METTL13: variants seen among roughly 807,000 people sequenced by gnomAD.
METTL13 encodes the protein eEF1A lysine and N-terminal methyltransferase.
In METTL13, 52 loss-of-function variants were observed where a neutral mutation model predicts 67.4. That is an observed-to-expected ratio of 0.77 (90% CI 0.62 to 0.97). METTL13 has a LOEUF of 0.97. Among genes scored for constraint, METTL13 ranks in the 50% least tolerant of loss-of-function variants. The pLI, the probability that METTL13 is intolerant of heterozygous loss-of-function variation, is 0.00. For synonymous variants in METTL13, 354 were observed against 353.6 expected (o/e 1.00, Z -0.01); for missense variants, 825 against 889.6 (o/e 0.93, Z 0.92).
chr1:171,783,798 A>G lies in METTL13; in HGVS notation c.212A>G (p.Tyr71Cys), dbSNP rs771013492. ...AGTGAGCAACTGTATGATGTGGGCT[A>G]TCGGGATATAGTGAACATCGACATC... ...ELSEQLYDVG[Y>C]RDIVNIDISE... The change falls in exon 2 of 8, where the codon TAT (tyrosine) becomes TGT (cysteine). Residue 71 changes from tyrosine (Y) to cysteine (C), a missense_variant. Physicochemically the swap from Tyr to Cys is radical, Grantham distance 194. Transcript: ENST00000361735. 4 of 1,614,026 alleles carry G rather than the reference A, an allele frequency of 2.5e-6. No homozygotes were observed. Among genetic ancestry groups the G allele is most frequent in the African/African-American group, 1.3e-5 (1 of 74,930 alleles).
In METTL13 at chr1:171,796,500, T is replaced by G. The variant is rs1256398158; in HGVS notation, c.1844T>G (p.Leu615Arg). ...CCTATAGGTGTTTTTATTCTCAACC[T>G]TGTGTGCCGAGACTTGGGGCTAAAA... The part of the protein sequence containing the change: ...LTPEGVFILN[L>R]VCRDLGLKDS... Residue 615 changes from leucine (L) to arginine (R), a missense_variant, in exon 8 of 8, where the codon CTT becomes CGT. By Grantham distance (102) the Leu-to-Arg change is moderately radical (BLOSUM62 -2). Coordinates refer to ENST00000361735, the MANE Select transcript of METTL13 (RefSeq NM_015935.5). 2.5e-6 allele frequency: 4 copies of G among 1,614,170 alleles called. No homozygotes were observed. Among genetic ancestry groups the G allele is most frequent in the Non-Finnish European group, 3.4e-6 (4 of 1,180,020 alleles).
Position 171,784,487 on chromosome 1 carries a change from G to C in METTL13, c.901G>C (p.Ala301Pro). 6.7e-7 allele frequency: 1 copy of C among 1,503,118 alleles called. No individual in the cohort carries two copies. Among genetic ancestry groups the C allele is most frequent in the South Asian group, 1.4e-5 (1 of 73,274 alleles). 93.1% of individuals were successfully genotyped at this position (1,503,118 alleles called of 1,614,324 possible). A position where few individuals can be genotyped will look rare whatever the true frequency, so the allele number is the denominator to read the frequency against. The change falls in exon 2 of 8, where the codon GCG becomes CCG. Residue 301 changes from alanine (A) to proline (P), a missense_variant. By Grantham distance (27) the Ala-to-Pro change is conservative. Transcript: ENST00000361735. ...TVKPSRDNHFAIFIIPQGRET... is the reference protein window; with the variant it reads ...TVKPSRDNHFPIFIIPQGRET... ...GAAACCATCGCGGGACAATCATTTT[G>C]CGATTTTCATCAGTGAGTTGGGATT... is the stretch of plus-strand genomic sequence containing the variant.
At chr1:171,788,042 C>A in intron 4 of METTL13, 112 bp downstream of exon 4, 2 of 985,390 alleles carry the variant, frequency 2.0e-6, no homozygotes, top group Non-Finnish European at 1.5e-6. Flanking sequence ...GGTTCTTAAC[C>A]ATCTGGACTC....
chr1:171,792,136 G>A lies in METTL13; in HGVS notation c.1594G>A (p.Val532Met), dbSNP rs1657229478. The A allele has an allele frequency of 6.2e-7, 1 of 1,613,986 alleles. No individual in the cohort carries two copies. ...GGAGATCGATCCCTCCATGTTGGAA[G>A]TGGCCACCCAGTGGTTTGGCTTCTC... ...AVEIDPSMLEVATQWFGFSQS... is the reference protein window; with the variant it reads ...AVEIDPSMLEMATQWFGFSQS... The change falls in exon 6 of 8, where the codon GTG becomes ATG. Residue 532 changes from valine to methionine, a missense_variant. Val to Met is a conservative substitution (Grantham distance 21). Transcript: ENST00000361735.
At chr1:171,789,626 T>G (rs900261723) in intron 4 of METTL13, among the ~76,000 whole-genome samples, 1 of 152,204 alleles carries the variant, frequency 6.6e-6, no homozygotes, top group African/African-American at 2.4e-5. Flanking sequence ...GTATAGTAAT[T>G]GGCACATAGC....
intron 4 of METTL13, among the ~76,000 whole-genome samples, chr1:171,789,607 A>G (rs1210426824): frequency 6.6e-6 from 1 of 152,226 alleles, no homozygotes; most frequent in African/African-American, 2.4e-5. Flanking sequence ...TAAAAAAATA[A>G]AAGTTACGGT....
chr1:171,790,528 GTCCA>G lies in METTL13; in HGVS notation c.1388_1391del (p.Ser463LeufsTer14), dbSNP rs766705873. ...AGGACCTCCCTGCAGCCCCGGGGCA[GTCCA>G]TTGATAAGAGTTACCTGTGTTGTGA... On this transcript the variant is annotated frameshift_variant, in exon 5 of 8. Transcript: ENST00000361735. LOFTEE classifies it high-confidence loss of function. 6.2e-7 allele frequency: 1 copy of G among 1,612,788 alleles called. No homozygotes were observed. Among genetic ancestry groups the G allele is most frequent in the African/African-American group, 1.3e-5 (1 of 74,968 alleles).
At chr1:171,786,575 A>G (rs1657022341) in intron 3 of METTL13, among the ~76,000 whole-genome samples, 1 of 152,228 alleles carries the variant, frequency 6.6e-6, no homozygotes, top group Non-Finnish European at 1.5e-5. Context: ...ATCAGTTAAC[A>G]CCAACTGTCT....
At chr1:171,788,122 G>A (rs994144889) in intron 4 of METTL13, among the ~76,000 whole-genome samples, 192 bp downstream of exon 4, 1 of 151,082 alleles carries the variant, frequency 6.6e-6, no homozygotes, top group Non-Finnish European at 1.5e-5. Context: ...AAGTGATAGG[G>A]GACGTGAGTA....
Position 171,784,479 on chromosome 1 carries a change from A to G in METTL13, c.893A>G (p.Asn298Ser), listed in dbSNP as rs750626931. The change falls in exon 2 of 8, where the codon AAT (asparagine) becomes AGT (serine). Residue 298 changes from asparagine (N) to serine (S), a missense_variant. Asn to Ser is a conservative substitution (Grantham distance 46). Transcript: ENST00000361735. Reference protein sequence around the residue: ...DSPTVKPSRDNHFAIFIIPQG... With the variant: ...DSPTVKPSRDSHFAIFIIPQG... ...CCCACTGTGAAACCATCGCGGGACA[A>G]TCATTTTGCGATTTTCATCAGTGAG... The G allele has an allele frequency of 4.7e-6, 7 of 1,503,672 alleles. No individual in the cohort carries two copies. Among genetic ancestry groups the G allele is most frequent in the African/African-American group, 1.4e-5 (1 of 71,348 alleles). The allele number at this position is 1,503,672 out of a possible 1,614,324, so 93.1% of individuals were successfully genotyped here.
intron 3 of METTL13, among the ~76,000 whole-genome samples, chr1:171,786,366 G>C (rs559346352): frequency 1.5e-3 from 234 of 152,292 alleles, no homozygotes; most frequent in Middle Eastern, 3.4e-3. Flanking sequence ...TTCCTAATTT[G>C]AGTTGCTCTG....
At position 171,781,953 on chromosome 1, in the gene METTL13, T is replaced by C; in HGVS notation, c.-15T>C. ...AATAGGGGAGTCTTGAAAACGCAGCTTCGGCAGTAGGAACATGAACCTCTT... is the reference window on the plus strand; with the variant it reads ...AATAGGGGAGTCTTGAAAACGCAGCCTCGGCAGTAGGAACATGAACCTCTT... On this transcript the variant is annotated 5_prime_UTR_variant, in exon 1 of 8. Coordinates refer to ENST00000361735, the MANE Select transcript of METTL13 (RefSeq NM_015935.5). The C allele has an allele frequency of 6.2e-7, 1 of 1,613,908 alleles. No homozygotes were observed. Among genetic ancestry groups the C allele is most frequent in the Non-Finnish European group, 8.5e-7 (1 of 1,179,886 alleles).
Position 171,790,457 on chromosome 1 carries a change from A to T in METTL13, c.1315A>T (p.Lys439Ter). Residue 439 changes from lysine (K) to a stop codon, truncating the protein, a stop_gained, in exon 5 of 8, where the codon AAG becomes TAG. Coordinates refer to ENST00000361735, the MANE Select transcript of METTL13 (RefSeq NM_015935.5). LOFTEE classifies it high-confidence loss of function. ...LLKDVSHKAQ[K>*]KRKKDRKKQR... ...GCTTCATATCTCTTGTTTAGCCCAG[A>T]AGAAGCGGAAAAAGGACAGGAAGAA... 1 of 1,594,376 alleles carries T rather than the reference A, an allele frequency of 6.3e-7. No homozygotes were observed. Among genetic ancestry groups the T allele is most frequent in the Non-Finnish European group, 8.5e-7 (1 of 1,172,362 alleles).
At chr1:171,785,819 A>G (rs950666489) in intron 2 of METTL13, 60 bp from the exon 3 acceptor site, 215 of 1,566,906 alleles carry the variant, frequency 1.4e-4, no homozygotes, top group Non-Finnish European at 1.4e-4. Context: ...CGTTTGGGCC[A>G]TATTGGTTGT....
Position 171,792,140 on chromosome 1 carries a change from C to A in METTL13, c.1598C>A (p.Ala533Asp), listed in dbSNP as rs959134993. 6.2e-7 allele frequency: 1 copy of A among 1,614,106 alleles called. No individual in the cohort carries two copies. The highest frequency in any genetic ancestry group is 1.7e-5 in the Admixed American group (1 of 60,030). Reference sequence around the variant, plus strand: ...ATCGATCCCTCCATGTTGGAAGTGGCCACCCAGTGGTTTGGCTTCTCCCAG... The same window carrying A: ...ATCGATCCCTCCATGTTGGAAGTGGACACCCAGTGGTTTGGCTTCTCCCAG... ...VEIDPSMLEV[A>D]TQWFGFSQSD... The change falls in exon 6 of 8, where the codon GCC becomes GAC. Residue 533 changes from alanine (A) to aspartate (D), a missense_variant. Physicochemically the swap from Ala to Asp is moderately radical, Grantham distance 126. Transcript: ENST00000361735.
In METTL13 at chr1:171,790,571, A is replaced by G. The variant is rs771743998; in HGVS notation, c.1429A>G (p.Met477Val). Residue 477 changes from methionine to valine, a missense_variant, in exon 5 of 8, where the codon ATG becomes GTG. Transcript: ENST00000361735. ...CCTGTGTTGTGAACACCACAAAGCCATGATCGCTGGCCTTGCCCTGCTGAG... is the reference window on the plus strand; with the variant it reads ...CCTGTGTTGTGAACACCACAAAGCCGTGATCGCTGGCCTTGCCCTGCTGAG... ...SYLCCEHHKAMIAGLALLRNP... is the reference protein window; with the variant it reads ...SYLCCEHHKAVIAGLALLRNP... 2 of 1,603,554 alleles carry G rather than the reference A, an allele frequency of 1.2e-6. No individual in the cohort carries two copies. Among genetic ancestry groups the G allele is most frequent in the Non-Finnish European group, 1.7e-6 (2 of 1,176,250 alleles).
At position 171,783,917 on chromosome 1, in the gene METTL13, C is replaced by T. The variant is rs774852088; in HGVS notation, c.331C>T (p.Pro111Ser). 6 of 1,614,092 alleles carry T rather than the reference C, an allele frequency of 3.7e-6. No individual in the cohort carries two copies. In the South Asian group the frequency reaches 4.4e-5, roughly 12 times the overall value. The change falls in exon 2 of 8, where the codon CCT becomes TCT. Residue 111 changes from proline (P) to serine (S), a missense_variant. By Grantham distance (74) the Pro-to-Ser change is moderately conservative. Transcript: ENST00000361735. The part of the protein sequence containing the change: ...LKMDMTQMEF[P>S]DASFQVVLDK... ...GATGGACATGACGCAGATGGAGTTTCCTGATGCCTCGTTCCAGGTGGTGTT... is the reference window on the plus strand; with the variant it reads ...GATGGACATGACGCAGATGGAGTTTTCTGATGCCTCGTTCCAGGTGGTGTT...
chr1:171,794,618 C>A (rs1181695891), intron 7 of METTL13, 91 bp downstream of exon 7: 1 of 1,554,668 alleles, frequency 6.4e-7, no homozygotes, highest in South Asian at 1.2e-5. Context: ...AGTGCGAGCT[C>A]GATCAATTTT....
At chr1:171,788,724 A>G (rs1657106792) in intron 4 of METTL13, among the ~76,000 whole-genome samples, 1 of 152,224 alleles carries the variant, frequency 6.6e-6, no homozygotes, top group Non-Finnish European at 1.5e-5. Context: ...CGAAAAGTGA[A>G]TGCCCCTCAC....
Sources: gnomAD v4.1 joint callset for allele counts (sites outside exome capture counted in the v4.1 genomes callset) on GRCh38, gnomAD v4.1.1 for gene constraint, MANE v1.5 for transcripts, NCBI Gene and HGNC (gene_info 2026-07-23, HGNC 2026-07-21) for gene names.